Variants in ASZ1 observed in about 807,000 individuals in gnomAD.
ASZ1 encodes the protein ankyrin repeat, SAM and basic leucine zipper domain-containing protein 1.
In ASZ1, 67 loss-of-function variants were observed where a neutral mutation model predicts 61.8. That is an observed-to-expected ratio of 1.08 (90% confidence interval 0.89 to 1.33). The LOEUF (loss-of-function observed/expected upper bound fraction) is 1.33, where lower values mean the gene tolerates loss of function less well. Among genes scored for constraint, ASZ1 ranks in the 40% most tolerant of loss-of-function variants. The pLI is 0.00. For synonymous variants in ASZ1, 193 were observed against 192.7 expected (o/e 1.00, Z -0.01); for missense variants, 577 against 554.5 (o/e 1.04, Z -0.41).
chr7:117,368,489 G>A (rs1224895797), intron 11 of ASZ1, 123 bp downstream of exon 11: 2 of 1,448,940 alleles, frequency 1.4e-6, no homozygotes, highest in Admixed American at 2.8e-5. Context: ...GATCTTATGT[G>A]ATTTTGCAGA....
At chr7:117,397,724 A>G (rs1796603187) in intron 4 of ASZ1, among the ~76,000 whole-genome samples, 1 of 152,244 alleles carries the variant, frequency 6.6e-6, no homozygotes, top group Non-Finnish European at 1.5e-5. Flanking sequence ...AAGCAGGATC[A>G]AAAGAAAAAT....
At chr7:117,368,329 C>A in intron 11 of ASZ1, 1 of 1,053,740 alleles carries the variant, frequency 9.5e-7, no homozygotes, top group Non-Finnish European at 1.1e-6. Context: ...TCTCCTGTCA[C>A]TTTATATTTT....
intron 4 of ASZ1, among the ~76,000 whole-genome samples, chr7:117,395,211 C>A (rs1796554384): frequency 6.6e-6 from 1 of 152,100 alleles, no homozygotes; most frequent in African/African-American, 2.4e-5. Context: ...CCAGAGATAA[C>A]TTTTTTCTTT....
intron 12 of ASZ1, among the ~76,000 whole-genome samples, chr7:117,364,369 C>A (rs1795892081): frequency 6.6e-6 from 1 of 151,074 alleles, no homozygotes. Context: ...TGTGTGTGTG[C>A]CCACTCTGTG....
At chr7:117,372,209 CA>C (rs1322275146) in intron 10 of ASZ1, among the ~76,000 whole-genome samples, 3 of 152,276 alleles carry the variant, frequency 2.0e-5, no homozygotes, top group African/African-American at 7.2e-5. Flanking sequence ...ATTATTTGAT[CA>C]AATTCTCATG....
intron 10 of ASZ1, among the ~76,000 whole-genome samples, chr7:117,377,331 A>G (rs1796156153): frequency 6.6e-6 from 1 of 151,986 alleles, no homozygotes; most frequent in Non-Finnish European, 1.5e-5. Context: ...TTTGAGACCA[A>G]CTGTGGCAAC....
intron 4 of ASZ1, among the ~76,000 whole-genome samples, chr7:117,395,425 G>A (rs1486839877): frequency 5.9e-5 from 9 of 151,916 alleles, no homozygotes; most frequent in Non-Finnish European, 1.3e-4. Flanking sequence ...CTCTGAATAC[G>A]ATGTTTAATT....
intron 4 of ASZ1, among the ~76,000 whole-genome samples, chr7:117,397,209 C>CTGAA (rs1796592228): frequency 6.6e-6 from 1 of 151,706 alleles, no homozygotes; most frequent in Non-Finnish European, 1.5e-5. Flanking sequence ...GACTCTGTCT[C>CTGAA]CGAACTGAAC....
chr7:117,424,516 T>A (rs993939484), intron 2 of ASZ1, among the ~76,000 whole-genome samples: 46 of 152,320 alleles, frequency 3.0e-4, no homozygotes, highest in African/African-American at 1.1e-3. Context: ...AAATGAACTT[T>A]AAAAATTTTT....
chr7:117,416,393 C>A (rs899198285), intron 4 of ASZ1, among the ~76,000 whole-genome samples: 2 of 151,934 alleles, frequency 1.3e-5, no homozygotes, highest in Non-Finnish European at 2.9e-5. Flanking sequence ...GCTTTTTTGT[C>A]CTTTCTTTTA....
intron 9 of ASZ1, 46 bp from the exon 10 acceptor site, chr7:117,380,093 G>A: frequency 7.8e-7 from 1 of 1,278,796 alleles, no homozygotes; most frequent in Non-Finnish European, 1.1e-6. Context: ...TTATACTTGA[G>A]TAATTTAAAA....
At chr7:117,383,477 T>C (rs1346843399) in intron 6 of ASZ1, among the ~76,000 whole-genome samples, 3 of 152,002 alleles carry the variant, frequency 2.0e-5, no homozygotes, top group Non-Finnish European at 2.9e-5. Context: ...GTAAGATACA[T>C]AGCGAAACTA....
chr7:117,368,813 T>G, intron 10 of ASZ1, 96 bp from the exon 11 acceptor site: 1 of 1,565,872 alleles, frequency 6.4e-7, no homozygotes, highest in Non-Finnish European at 8.6e-7. Context: ...GTCATAAAAT[T>G]AGATTCTTCC....
intron 11 of ASZ1, chr7:117,368,276 G>C: frequency 1.0e-6 from 1 of 980,344 alleles, no homozygotes; most frequent in Non-Finnish European, 1.2e-6. Flanking sequence ...TTATTGATAT[G>C]GTTTTTAAAT....
At chr7:117,365,453 GT>G (rs1402099547) in intron 12 of ASZ1, among the ~76,000 whole-genome samples, 1 of 151,946 alleles carries the variant, frequency 6.6e-6, no homozygotes, top group African/African-American at 2.4e-5. Context: ...CAAAAATATG[GT>G]TTTCTAATTT....
At chr7:117,386,364 G>A (rs1391711530) in intron 4 of ASZ1, among the ~76,000 whole-genome samples, 1 of 152,156 alleles carries the variant, frequency 6.6e-6, no homozygotes, top group African/African-American at 2.4e-5. Context: ...AAAGAGATAA[G>A]TCCAATAGAT....
At chr7:117,389,698 G>A (rs80349563) in intron 4 of ASZ1, among the ~76,000 whole-genome samples, 2 of 152,196 alleles carry the variant, frequency 1.3e-5, no homozygotes, top group East Asian at 1.9e-4. Context: ...CTGCACCCTC[G>A]GGCAACACTC....
chr7:117,423,602 T>C (rs576908597), intron 2 of ASZ1, among the ~76,000 whole-genome samples: 1 of 150,550 alleles, frequency 6.6e-6, no homozygotes, highest in Admixed American at 6.7e-5. Context: ...TCCCAGCACT[T>C]TGGGATGCCG....
At chr7:117,402,885 G>A (rs1562855924) in intron 4 of ASZ1, among the ~76,000 whole-genome samples, 1 of 152,122 alleles carries the variant, frequency 6.6e-6, no homozygotes, top group Admixed American at 6.6e-5. Flanking sequence ...TTTGCCAAGC[G>A]AGACGGCAAG....
Sources: allele counts gnomAD v4.1 joint callset (sites outside exome capture counted in the v4.1 genomes callset), GRCh38; gene constraint gnomAD v4.1.1; transcripts MANE v1.5; gene names NCBI Gene and HGNC (gene_info 2026-07-23, HGNC 2026-07-21).